DOCK1: variants seen among roughly 807,000 people sequenced by gnomAD.
DOCK1 encodes the protein dedicator of cytokinesis 1, also known as dedicator of cytokinesis protein 1.
In DOCK1, 138 loss-of-function variants were observed where a neutral mutation model predicts 262.7. That is an observed-to-expected ratio of 0.53 (90% CI 0.46 to 0.61). The LOEUF (loss-of-function observed/expected upper bound fraction) is 0.61, where lower values mean the gene tolerates loss of function less well. DOCK1 is among the 20% of genes least tolerant of loss of function. The probability of loss-of-function intolerance (pLI) is 0.00; values close to 1 mark genes in which losing one functional copy is unlikely to be tolerated. For missense variants in DOCK1, 1,908 were observed against 2,370.7 expected, an observed-to-expected ratio of 0.80 and a Z score of 4.05; for synonymous variants, 866 against 867.4, an observed-to-expected ratio of 1.00 and a Z score of 0.03.
chr10:127,239,189 T>G (rs72836424), intron 27 of DOCK1, among the ~76,000 whole-genome samples: 2 of 152,156 alleles, frequency 1.3e-5, no homozygotes, highest in Non-Finnish European at 2.9e-5. Context: ...TGGTAGCTTA[T>G]GTAGTTGTAA....
At chr10:127,250,082 A>T (rs562434430) in intron 28 of DOCK1, among the ~76,000 whole-genome samples, 1 of 152,224 alleles carries the variant, frequency 6.6e-6, no homozygotes, top group African/African-American at 2.4e-5. Flanking sequence ...AGTGTAAAGC[A>T]TAGTTGTAGC....
intron 23 of DOCK1, among the ~76,000 whole-genome samples, chr10:127,076,219 C>T (rs952088212): frequency 5.3e-5 from 8 of 152,260 alleles, no homozygotes; most frequent in African/African-American, 1.7e-4. Flanking sequence ...AAGAAAATAT[C>T]GGCCAGGCAC....
At chr10:127,330,054 G>C (rs2766060) in intron 29 of DOCK1, among the ~76,000 whole-genome samples, 1 of 152,098 alleles carries the variant, frequency 6.6e-6, no homozygotes, top group Non-Finnish European at 1.5e-5. Context: ...CTAACTCCGC[G>C]TTGGGGCTCC....
chr10:127,114,524 T>A (rs191902637), intron 25 of DOCK1, among the ~76,000 whole-genome samples: 3 of 152,110 alleles, frequency 2.0e-5, no homozygotes, highest in African/African-American at 7.2e-5. Context: ...CTGAGCAGTT[T>A]TATAAAATCA....
intron 23 of DOCK1, among the ~76,000 whole-genome samples, chr10:127,078,004 C>T (rs976412782): frequency 2.6e-5 from 4 of 151,958 alleles, no homozygotes; most frequent in African/African-American, 9.7e-5. Context: ...CAGGCAGCCT[C>T]GTTCCACCCC....
At chr10:127,213,507 T>C (rs977551494) in intron 27 of DOCK1, among the ~76,000 whole-genome samples, 1 of 152,234 alleles carries the variant, frequency 6.6e-6, no homozygotes, top group African/African-American at 2.4e-5. Context: ...AAGTTCTCTT[T>C]AAAGAGATTG....
chr10:126,955,877 T>C (rs1052202264), intron 1 of DOCK1, among the ~76,000 whole-genome samples: 4 of 152,134 alleles, frequency 2.6e-5, no homozygotes, highest in Non-Finnish European at 4.4e-5. Flanking sequence ...GATTCGTTTG[T>C]GTCCTCTGGG....
At chr10:127,142,559 G>A (rs2051368660) in intron 27 of DOCK1, among the ~76,000 whole-genome samples, 1 of 152,200 alleles carries the variant, frequency 6.6e-6, no homozygotes, top group African/African-American at 2.4e-5. Flanking sequence ...CCTGTGCGGG[G>A]TGTTCTGTCC....
At chr10:127,241,516 C>T (rs1474437799) in intron 27 of DOCK1, among the ~76,000 whole-genome samples, 2 of 152,154 alleles carry the variant, frequency 1.3e-5, no homozygotes, top group African/African-American at 2.4e-5. Flanking sequence ...AGCATGGAGG[C>T]GCATGGGCTT....
intron 27 of DOCK1, among the ~76,000 whole-genome samples, chr10:127,178,108 C>A (rs566353726): frequency 6.6e-6 from 1 of 152,194 alleles, no homozygotes; most frequent in African/African-American, 2.4e-5. Context: ...GAGACAACTT[C>A]ACAGCCACCA....
At chr10:127,402,534 T>A (rs558700227) in intron 38 of DOCK1, among the ~76,000 whole-genome samples, 8 of 152,352 alleles carry the variant, frequency 5.3e-5, no homozygotes, top group African/African-American at 1.4e-4. Context: ...CACACATACA[T>A]CAAACTTTCT....
intron 27 of DOCK1, among the ~76,000 whole-genome samples, chr10:127,213,984 C>T (rs1366216497): frequency 1.3e-5 from 2 of 152,136 alleles, no homozygotes; most frequent in East Asian, 1.9e-4. Context: ...GGACTACAGG[C>T]ACCCGCCACC....
chr10:126,998,402 A>G, intron 8 of DOCK1, 153 bp downstream of exon 8: 2 of 1,006,334 alleles, frequency 2.0e-6, no homozygotes, highest in Non-Finnish European at 2.9e-6. Context: ...TGTCTTAGAC[A>G]GTGTGATGGC....
intron 27 of DOCK1, among the ~76,000 whole-genome samples, chr10:127,202,824 A>G (rs2057533744): frequency 6.6e-6 from 1 of 152,218 alleles, no homozygotes; most frequent in Non-Finnish European, 1.5e-5. Context: ...CTCCAAGGTC[A>G]CACAGCTAGG....
chr10:127,329,243 G>A (rs929100312), intron 29 of DOCK1, among the ~76,000 whole-genome samples: 1 of 152,138 alleles, frequency 6.6e-6, no homozygotes, highest in Non-Finnish European at 1.5e-5. Context: ...CCCGAGGGGT[G>A]GGGCACGGTC....
At chr10:126,939,463 A>G (rs2034828090) in intron 1 of DOCK1, among the ~76,000 whole-genome samples, 1 of 152,142 alleles carries the variant, frequency 6.6e-6, no homozygotes, top group South Asian at 2.1e-4. Context: ...CTATTTCTGC[A>G]TGTACCTGTT....
chr10:127,367,741 G>T (rs990064062), intron 33 of DOCK1, among the ~76,000 whole-genome samples: 28 of 152,180 alleles, frequency 1.8e-4, no homozygotes, highest in African/African-American at 6.8e-4. Context: ...CCGGTCCGTT[G>T]ACAGGAAGGC....
Position 127,254,714 on chromosome 10 carries a change from C to T in DOCK1, c.2950-2621C>T, listed in dbSNP as rs542882759. Among the ~76,000 whole-genome samples the T allele has an allele frequency of 1.2e-4, 19 of 152,304 alleles. No homozygotes were observed. In the South Asian group the frequency reaches 3.7e-3, roughly 30 times the overall value. Reference sequence around the variant, plus strand: ...GATGGGTTGAAAATCTGTGGCTGGTCCTTGTCCATAATGGTTACTCCTTTG... The same window carrying T: ...GATGGGTTGAAAATCTGTGGCTGGTTCTTGTCCATAATGGTTACTCCTTTG... On this transcript the variant is annotated intron_variant, in intron 28 of 51. Coordinates refer to ENST00000623213, the MANE Select transcript of DOCK1 (RefSeq NM_001290223.2).
intron 27 of DOCK1, among the ~76,000 whole-genome samples, chr10:127,205,261 CT>C (rs1313563541): frequency 6.6e-6 from 1 of 152,082 alleles, no homozygotes; most frequent in African/African-American, 2.4e-5. Flanking sequence ...TGGCTCTTTC[CT>C]TTTTGGTCCG....
Sources: gnomAD v4.1 joint callset for allele counts (sites outside exome capture counted in the v4.1 genomes callset) on GRCh38, gnomAD v4.1.1 for gene constraint, MANE v1.5 for transcripts, NCBI Gene and HGNC (gene_info 2026-07-23, HGNC 2026-07-21) for gene names.